TRMU: variants seen among roughly 807,000 people sequenced by gnomAD.
TRMU encodes the protein mitochondrial tRNA-specific 2-thiouridylase 1.
In TRMU, 49 loss-of-function variants were observed where a neutral mutation model predicts 46.9. The observed-to-expected ratio is 1.05, with a 90% confidence interval of 0.83 to 1.33. TRMU has a LOEUF of 1.33. Among genes scored for constraint, TRMU ranks in the 40% most tolerant of loss-of-function variants. The pLI, the probability that TRMU is intolerant of heterozygous loss-of-function variation, is 0.00. For missense variants in TRMU, 572 were observed against 532.4 expected, an observed-to-expected ratio of 1.07 and a Z score of -0.73; for synonymous variants, 241 against 200.9, an observed-to-expected ratio of 1.20 and a Z score of -1.69.
In TRMU at chr22:46,351,604, T is replaced by C. The variant is rs1340880113; in HGVS notation, c.652-517T>C. 15 of 221,670 alleles carry C rather than the reference T, an allele frequency of 6.8e-5. 1 individual carries two copies. The South Asian group carries it at 1.1e-3, about 16-fold the overall frequency. The allele number at this position is 221,670 out of a possible 1,614,324, so 13.7% of individuals were successfully genotyped here. Reference sequence around the variant, plus strand: ...GAGCCGCAGGGATGGAAGGGCAGTCTTGAGAGACACAAACCAGAGTAAACG... The same window carrying C: ...GAGCCGCAGGGATGGAAGGGCAGTCCTGAGAGACACAAACCAGAGTAAACG... On this transcript the variant is annotated intron_variant, in intron 5 of 10. Coordinates refer to ENST00000645190, the MANE Select transcript of TRMU (RefSeq NM_018006.5). This position sits in a 1 kb window ranked among gnomAD's most constrained non-coding sequence, Gnocchi z 6.4.
chr22:46,353,990 G>T (rs755041487), intron 8 of TRMU, 123 bp downstream of exon 8: 2 of 862,808 alleles, frequency 2.3e-6, no homozygotes, highest in East Asian at 2.6e-5. Flanking sequence ...GACTAACTCT[G>T]TTCCTGTCCT....
intron 8 of TRMU, chr22:46,354,888 G>A (rs79036072): frequency 0.028 from 4,595 of 161,430 alleles, 244 homozygotes; most frequent in African/African-American, 0.1. Context: ...ATGGGTGGGT[G>A]ACAGGGAGCA....
At chr22:46,344,026 A>G (rs1313843315) in intron 3 of TRMU, among the ~76,000 whole-genome samples, 1 of 152,254 alleles carries the variant, frequency 6.6e-6, no homozygotes, top group Non-Finnish European at 1.5e-5. Flanking sequence ...ACAAATGCCT[A>G]CAAAAACAAA....
intron 2 of TRMU, 29 bp from the exon 3 acceptor site, chr22:46,343,233 G>A (rs1461379088): frequency 2.9e-6 from 4 of 1,399,404 alleles, no homozygotes; most frequent in Non-Finnish European, 4.0e-6. Flanking sequence ...TTTCACACTT[G>A]GAACTGAAGT....
chr22:46,352,776 C>T (rs975732467), intron 7 of TRMU: 8 of 321,098 alleles, frequency 2.5e-5, no homozygotes, highest in Non-Finnish European at 4.3e-5. Context: ...GCTGCTCGCT[C>T]ATGTGCAGAC....
rs1301420211 is a variant in TRMU at position 46,351,543 on chromosome 22, CTCT to C, written c.652-576_652-574del. 1.5e-5 allele frequency: 3 copies of C among 194,342 alleles called. No individual in the cohort carries two copies. The highest frequency in any genetic ancestry group is 2.2e-5 in the Non-Finnish European group (2 of 92,850). 12.0% of individuals were successfully genotyped at this position (194,342 alleles called of 1,614,324 possible). A position where few individuals can be genotyped will look rare whatever the true frequency, so the allele number is the denominator to read the frequency against. ...CACGCCCACCGCCCGTCCTCCTCTC[CTCT>C]TGTTTTCCGTTTCCGGTGTCGCTCT... On this transcript the variant is annotated intron_variant, in intron 5 of 10. Coordinates refer to ENST00000645190, the MANE Select transcript of TRMU (RefSeq NM_018006.5). This position sits in a 1 kb window ranked among gnomAD's most constrained non-coding sequence, Gnocchi z 6.4.
At position 46,351,878 on chromosome 22, in the gene TRMU, G is replaced by T; in HGVS notation, c.652-243G>T. 1 of 609,346 alleles carries T rather than the reference G, an allele frequency of 1.6e-6. No homozygotes were observed. The highest frequency in any genetic ancestry group is 2.9e-6 in the Non-Finnish European group (1 of 340,160). The allele number at this position is 609,346 out of a possible 1,614,324, so 37.7% of individuals were successfully genotyped here. A position where few individuals can be genotyped will look rare whatever the true frequency, so the allele number is the denominator to read the frequency against. On this transcript the variant is annotated intron_variant, in intron 5 of 10. Coordinates refer to ENST00000645190, the MANE Select transcript of TRMU (RefSeq NM_018006.5). The surrounding 1 kb of genome is among the most constrained non-coding windows in gnomAD (Gnocchi z 6.4). ...CTTTCTTCCCCGGGGCAGCTGGTGT[G>T]AGGGTCTCCCGCGCAGGGTCAGACC...
rs1187016911 is a variant in TRMU, at chr22:46,347,651, C to T, written c.478+1107C>T. Reference sequence around the variant, plus strand: ...AGGTGTGAGCCACCAAGCCCGGCCTCACACGTTTCACATCACTCCTCTTAG... The same window carrying T: ...AGGTGTGAGCCACCAAGCCCGGCCTTACACGTTTCACATCACTCCTCTTAG... On this transcript the variant is annotated intron_variant, in intron 4 of 10. Transcript: ENST00000645190. The surrounding 1 kb of genome is among the most constrained non-coding windows in gnomAD (Gnocchi z 5.0). Among the ~76,000 whole-genome samples, 1 of 152,208 alleles carries T rather than the reference C, an allele frequency of 6.6e-6. No homozygotes were observed. The highest frequency in any genetic ancestry group is 2.4e-5 in the African/African-American group (1 of 41,452).
In TRMU at chr22:46,350,522, C is replaced by T. The variant is rs79354880; in HGVS notation, c.651+59C>T. The T allele has an allele frequency of 1.0e-5, 16 of 1,601,642 alleles. No individual in the cohort carries two copies. The highest frequency in any genetic ancestry group is 8.3e-5 in the Admixed American group (5 of 59,972). On this transcript the variant is annotated intron_variant, in intron 5 of 10. Coordinates refer to ENST00000645190, the MANE Select transcript of TRMU (RefSeq NM_018006.5). This position sits in a 1 kb window ranked among gnomAD's most constrained non-coding sequence, Gnocchi z 4.6. ...GTTTCCCTTTCCCGACTGCATGGCA[C>T]GGAGCAGCTGGACCTGTGGGTCCCG...
At chr22:46,346,665 T>C in intron 4 of TRMU, 121 bp downstream of exon 4, 2 of 1,205,054 alleles carry the variant, frequency 1.7e-6, no homozygotes, top group East Asian at 2.6e-5. Flanking sequence ...CCAGAGTAGC[T>C]TGTATGGGAT....
At chr22:46,352,207 G>T in intron 6 of TRMU, 33 bp downstream of exon 6, 1 of 1,614,146 alleles carries the variant, frequency 6.2e-7, no homozygotes, top group Non-Finnish European at 8.5e-7. Flanking sequence ...AAGAGATGGG[G>T]CTGCGTGTCT....
At position 46,353,801 on chromosome 22, in the gene TRMU, C is replaced by T. The variant is rs1341991123; in HGVS notation, c.807C>T (p.Asn269=). The change falls in exon 8 of 11, where the codon AAC becomes AAT. Residue 269 remains asparagine (N), a synonymous_variant. Coordinates refer to ENST00000645190, the MANE Select transcript of TRMU (RefSeq NM_018006.5). The stretch of plus-strand genomic sequence containing the variant: ...TGTATACCTTGGGCCAGAGAGCAAA[C>T]ATAGGTGGCCTGAGAGAGCCCTGGT... ...WFLYTLGQRA[N]IGGLREPWYV... is the part of the protein sequence containing the mutation. 3.1e-6 allele frequency: 5 copies of T among 1,613,880 alleles called. No homozygotes were observed. The African/African-American group carries it at 5.3e-5, about 17-fold the overall frequency.
rs2078509463 is a variant in TRMU, at chr22:46,353,783, C to T, written c.789C>T (p.Thr263=). The T allele has an allele frequency of 6.2e-7, 1 of 1,613,836 alleles. No homozygotes were observed. The highest frequency in any genetic ancestry group is 8.5e-7 in the Non-Finnish European group (1 of 1,179,834). Residue 263 remains threonine, a synonymous_variant, in exon 8 of 11, where the codon ACC becomes ACT. Transcript: ENST00000645190. The part of the protein sequence containing the change: ...LGTHKGWFLY[T]LGQRANIGGL... ...TTTCTGTAGGTTGGTTCCTGTATAC[C>T]TTGGGCCAGAGAGCAAACATAGGTG...
chr22:46,335,796 T>C lies in TRMU; in HGVS notation c.32T>C (p.Leu11Pro), dbSNP rs1297485958. 3 of 1,562,068 alleles carry C rather than the reference T, an allele frequency of 1.9e-6. No homozygotes were observed. The highest frequency in any genetic ancestry group is 1.4e-5 in the African/African-American group (1 of 73,682). The change falls in exon 1 of 11, where the codon CTG becomes CCG. Residue 11 changes from leucine (L) to proline (P), a missense_variant. Physicochemically the swap from Leu to Pro is moderately conservative, Grantham distance 98. Coordinates refer to ENST00000645190, the MANE Select transcript of TRMU (RefSeq NM_018006.5). MQALRHVVCA[L>P]SGGVDSAVAA... is the part of the protein sequence containing the mutation. Reference sequence around the variant, plus strand: ...GCCTTGCGGCACGTCGTGTGCGCCCTGTCCGGCGGCGTGGACAGCGCCGTG... The same window carrying C: ...GCCTTGCGGCACGTCGTGTGCGCCCCGTCCGGCGGCGTGGACAGCGCCGTG...
chr22:46,335,967 G>A (rs1466319181), intron 1 of TRMU, 121 bp downstream of exon 1: 18 of 1,481,000 alleles, frequency 1.2e-5, no homozygotes, highest in Non-Finnish European at 1.5e-5. Context: ...GCGCGGGTCG[G>A]CAGGAGGATA....
rs532956032 is a variant in TRMU at position 46,336,120 on chromosome 22, G to A, written c.82+274G>A. 2 of 1,348,270 alleles carry A rather than the reference G, an allele frequency of 1.5e-6. No individual in the cohort carries two copies. The highest frequency in any genetic ancestry group is 1.6e-5 in the South Asian group (1 of 61,560). The allele number at this position is 1,348,270 out of a possible 1,614,324, so 83.5% of individuals were successfully genotyped here. ...CGCCCACCCACAGTGAGAAGCCGGC[G>A]GGCCGGGGTGGGGTGGGGAGGGAAG... On this transcript the variant is annotated intron_variant, in intron 1 of 10. Transcript: ENST00000645190. This position sits in a 1 kb window ranked among gnomAD's most constrained non-coding sequence, Gnocchi z 4.1.
In TRMU at chr22:46,356,038, CT is replaced by C; in HGVS notation, c.1068del (p.Val357CysfsTer61). 6.2e-7 allele frequency: 1 copy of C among 1,614,004 alleles called. No individual in the cohort carries two copies. The highest frequency in any genetic ancestry group is 8.5e-7 in the Non-Finnish European group (1 of 1,179,984). On this transcript the variant is annotated frameshift_variant, in exon 10 of 11. Transcript: ENST00000645190. LOFTEE classifies it low-confidence loss of function (END_TRUNC). ...LNQDGTVWVT[A>X]VQAVRALATG... ...CAAGATGGCACCGTGTGGGTGACAGCTGTGCAGGCTGTGCGTGCCCTTGCCA... is the reference window on the plus strand; with the variant it reads ...CAAGATGGCACCGTGTGGGTGACAGCGTGCAGGCTGTGCGTGCCCTTGCCA...
In TRMU at chr22:46,348,340, T is replaced by A. The variant is rs2078313659; in HGVS notation, c.478+1796T>A. On this transcript the variant is annotated intron_variant, in intron 4 of 10. Coordinates refer to ENST00000645190, the MANE Select transcript of TRMU (RefSeq NM_018006.5). This position sits in a 1 kb window ranked among gnomAD's most constrained non-coding sequence, Gnocchi z 4.8. ...GACAGTACTGATGCGTTCTGTTGAG[T>A]GCGTTTGGCATGTGGGAATTGTGAT... Among the ~76,000 whole-genome samples, 1 of 152,204 alleles carries A rather than the reference T, an allele frequency of 6.6e-6. No homozygotes were observed. Among genetic ancestry groups the A allele is most frequent in the Non-Finnish European group, 1.5e-5 (1 of 68,022 alleles).
Position 46,336,980 on chromosome 22 carries a change from G to A in TRMU, c.83-799G>A, listed in dbSNP as rs1031511007. 6.6e-6 allele frequency among the ~76,000 whole-genome samples: 1 copy of A among 152,148 alleles called. No homozygotes were observed. Among genetic ancestry groups the A allele is most frequent in the Admixed American group, 6.6e-5 (1 of 15,264 alleles). On this transcript the variant is annotated intron_variant, in intron 1 of 10. Transcript: ENST00000645190. The surrounding 1 kb of genome is among the most constrained non-coding windows in gnomAD (Gnocchi z 4.1). ...GGAGATGGAAGGAGAGGAGCCTGGA[G>A]CACGTTTAGCCCTGATTATGGAAGA... is the stretch of plus-strand genomic sequence containing the variant.
Sources: gnomAD v4.1 joint callset for allele counts (sites outside exome capture counted in the v4.1 genomes callset) on GRCh38, gnomAD v4.1.1 for gene constraint, Gnocchi (gnomAD v3.1) non-coding constraint, MANE v1.5 for transcripts, NCBI Gene and HGNC (gene_info 2026-07-23, HGNC 2026-07-21) for gene names.